Variants in NAV2 observed in about 807,000 individuals in gnomAD.
The protein encoded by NAV2 is helicase, APC down-regulated 1.
Under a neutral mutation model 223.2 loss-of-function variants are expected in NAV2, and 54 were observed. The ratio of observed to expected loss-of-function variants is 0.24; its 90% CI spans 0.19 to 0.30. The LOEUF (loss-of-function observed/expected upper bound fraction) is 0.30. Among genes scored for constraint, NAV2 ranks in the 10% least tolerant of loss-of-function variants. NAV2 has a pLI of 1.00. For missense variants in NAV2, 2,806 were observed against 3,147.5 expected, an observed-to-expected ratio of 0.89 and a Z score of 2.60; for synonymous variants, 1,279 against 1,239.3, an observed-to-expected ratio of 1.03 and a Z score of -0.67.
intron 6 of NAV2, among the ~76,000 whole-genome samples, chr11:19,907,877 C>T (rs776341101): frequency 6.6e-6 from 1 of 152,192 alleles, no homozygotes; most frequent in Non-Finnish European, 1.5e-5. Flanking sequence ...CAATTTGCAA[C>T]TTGCTGCCCC....
intron 1 of NAV2, among the ~76,000 whole-genome samples, chr11:19,829,223 C>T (rs539441122): frequency 1.2e-4 from 19 of 152,330 alleles, no homozygotes; most frequent in East Asian, 9.6e-4. Flanking sequence ...GTCCCTCCCA[C>T]GTGGCTGAGG....
intron 1 of NAV2, among the ~76,000 whole-genome samples, chr11:19,554,390 G>A (rs545315692): frequency 6.6e-6 from 1 of 152,306 alleles, no homozygotes; most frequent in East Asian, 1.9e-4. Context: ...GTCTCTGGAT[G>A]TTAGAGAGCA....
At chr11:19,559,999 T>G (rs2045041896) in intron 1 of NAV2, among the ~76,000 whole-genome samples, 1 of 152,238 alleles carries the variant, frequency 6.6e-6, no homozygotes, top group African/African-American at 2.4e-5. Flanking sequence ...CTCACGTGCC[T>G]GCTTCGCTCT....
chr11:19,380,055 A>G (rs1412913925), intron 1 of NAV2, among the ~76,000 whole-genome samples: 6 of 152,180 alleles, frequency 3.9e-5, no homozygotes, highest in African/African-American at 1.2e-4. Context: ...TTTACCTTCC[A>G]GGCTCCTGCA....
chr11:19,952,582 A>G (rs1254545183), intron 10 of NAV2, among the ~76,000 whole-genome samples: 2 of 152,236 alleles, frequency 1.3e-5, no homozygotes, highest in Non-Finnish European at 2.9e-5. Flanking sequence ...CTCTTTGAGG[A>G]AAGTTCTTGT....
At chr11:19,444,313 G>A (rs373213988) in intron 1 of NAV2, among the ~76,000 whole-genome samples, 6 of 152,128 alleles carry the variant, frequency 3.9e-5, no homozygotes, top group East Asian at 3.9e-4. Flanking sequence ...AAAGATTTGG[G>A]CTCCCCCTCC....
At chr11:20,077,692 A>C (rs924245874) in intron 23 of NAV2, 57 bp downstream of exon 23, 9 of 1,327,564 alleles carry the variant, frequency 6.8e-6, no homozygotes, top group Middle Eastern at 1.8e-4. Flanking sequence ...CAAACTTGAA[A>C]ATACTATTCT....
At chr11:19,374,239 G>C (rs186309639) in intron 1 of NAV2, among the ~76,000 whole-genome samples, 1 of 150,728 alleles carries the variant, frequency 6.6e-6, no homozygotes, top group Admixed American at 6.6e-5. Flanking sequence ...TTCTTTGTCA[G>C]CTCCAGCAGA....
chr11:20,029,788 A>T (rs563856551), intron 11 of NAV2, among the ~76,000 whole-genome samples: 73 of 152,360 alleles, frequency 4.8e-4, no homozygotes, highest in Middle Eastern at 3.4e-3. Flanking sequence ...CATTGGCTAA[A>T]AATATGTGAA....
intron 1 of NAV2, among the ~76,000 whole-genome samples, chr11:19,807,994 T>C (rs560519752): frequency 1.3e-5 from 2 of 152,330 alleles, no homozygotes; most frequent in East Asian, 3.9e-4. Context: ...ATTACCTTCA[T>C]AGTGGCAGGT....
chr11:20,102,340 C>G (rs964493378), intron 32 of NAV2, among the ~76,000 whole-genome samples: 1 of 152,166 alleles, frequency 6.6e-6, no homozygotes, highest in Non-Finnish European at 1.5e-5. Context: ...ATGTTACCCC[C>G]TGAGCAAGCA....
intron 11 of NAV2, among the ~76,000 whole-genome samples, chr11:20,023,354 AT>A (rs1278330730): frequency 6.6e-6 from 1 of 152,064 alleles, no homozygotes; most frequent in African/African-American, 2.4e-5. Flanking sequence ...GCCCCCATTG[AT>A]TCTAACCTTG....
chr11:19,467,014 C>CAGAG (rs772456782), intron 1 of NAV2, among the ~76,000 whole-genome samples: 3 of 139,136 alleles, frequency 2.2e-5, no homozygotes, highest in East Asian at 2.1e-4. Flanking sequence ...CACACACACA[C>CAGAG]ACACAGAGAG....
chr11:19,507,715 A>G (rs1466552971), intron 1 of NAV2, among the ~76,000 whole-genome samples: 1 of 152,236 alleles, frequency 6.6e-6, no homozygotes, highest in African/African-American at 2.4e-5. Context: ...TAATGAAATC[A>G]TCATCATTAT....
intron 3 of NAV2, among the ~76,000 whole-genome samples, chr11:19,845,723 G>C (rs1320827136): frequency 1.3e-5 from 2 of 152,190 alleles, no homozygotes; most frequent in Non-Finnish European, 2.9e-5. Flanking sequence ...CAGCTGCTCT[G>C]TTCTCTGCTG....
At chr11:19,763,771 T>C (rs1029986437) in intron 1 of NAV2, among the ~76,000 whole-genome samples, 1 of 144,320 alleles carries the variant, frequency 6.9e-6, no homozygotes, top group Non-Finnish European at 1.5e-5. Flanking sequence ...AGATTAGCGT[T>C]GTTGTTTTTT....
chr11:19,508,474 T>C (rs1462398766), intron 1 of NAV2, among the ~76,000 whole-genome samples: 1 of 152,200 alleles, frequency 6.6e-6, no homozygotes, highest in East Asian at 1.9e-4. Context: ...TCAGGGCCTT[T>C]GCATATGTTT....
At chr11:19,784,026 G>T (rs182319713) in intron 1 of NAV2, among the ~76,000 whole-genome samples, 132 of 152,204 alleles carry the variant, frequency 8.7e-4, no homozygotes, top group African/African-American at 2.9e-3. Flanking sequence ...ATTATATTAA[G>T]AAAAATATAG....
chr11:20,018,308 C>T lies in NAV2; in HGVS notation c.2769-17651C>T, dbSNP rs766148359. Among the ~76,000 whole-genome samples the T allele has an allele frequency of 5.3e-5, 7 of 131,798 alleles. No homozygotes were observed. In the South Asian group the frequency reaches 1.3e-3, roughly 25 times the overall value. The allele number at this position is 131,798 out of a possible 152,430, so 86.5% of individuals were successfully genotyped here. On this transcript the variant is annotated intron_variant, in intron 11 of 37. Transcript: ENST00000349880. ...GGTGGAGGTTGCAGTGAGCTGAGAT[C>T]GGCCCACTGCACTCCAGCCTGGGCG... is the stretch of plus-strand genomic sequence containing the variant.
Sources: allele counts gnomAD v4.1 joint callset (sites outside exome capture counted in the v4.1 genomes callset), GRCh38; gene constraint gnomAD v4.1.1; transcripts MANE v1.5; gene names NCBI Gene and HGNC (gene_info 2026-07-23, HGNC 2026-07-21).